Variants in PXDNL observed in about 807,000 individuals in gnomAD.
PXDNL encodes peroxidasin like, also known as probable oxidoreductase PXDNL.
Under a neutral mutation model 150.8 loss-of-function variants are expected in PXDNL, and 145 were observed. The ratio of observed to expected loss-of-function variants is 0.96; its 90% CI spans 0.84 to 1.10. The LOEUF (loss-of-function observed/expected upper bound fraction) is 1.10. Among genes scored for constraint, PXDNL ranks in the 50% least tolerant of loss-of-function variants. The pLI is 0.00. For synonymous variants in PXDNL, 757 were observed against 725.7 expected, an observed-to-expected ratio of 1.04 and a Z score of -0.69; for missense variants, 2,087 against 1,873.9, an observed-to-expected ratio of 1.11 and a Z score of -2.10.
intron 10 of PXDNL, 28 bp downstream of exon 10, chr8:51,453,491 T>C (rs746202724): frequency 2.5e-6 from 4 of 1,606,038 alleles, no homozygotes; most frequent in Non-Finnish European, 3.4e-6. Flanking sequence ...AGGAGGAACA[T>C]TTCAATCATG....
intron 12 of PXDNL, among the ~76,000 whole-genome samples, chr8:51,442,872 T>TAA (rs34828388): frequency 3.3e-5 from 5 of 151,858 alleles, no homozygotes; most frequent in Admixed American, 6.6e-5. Flanking sequence ...TGCTTGTTTT[T>TAA]AAAAAATACC....
At chr8:51,358,126 A>G (rs1806576730) in intron 19 of PXDNL, among the ~76,000 whole-genome samples, 1 of 151,928 alleles carries the variant, frequency 6.6e-6, no homozygotes, top group Non-Finnish European at 1.5e-5. Flanking sequence ...AAAATGACCA[A>G]ATAGAAACCT....
At chr8:51,468,251 G>T (rs1325755575) in intron 8 of PXDNL, among the ~76,000 whole-genome samples, 1 of 151,810 alleles carries the variant, frequency 6.6e-6, no homozygotes, top group South Asian at 2.1e-4. Flanking sequence ...GCTATAATTG[G>T]ATTTCCGTAA....
intron 1 of PXDNL, among the ~76,000 whole-genome samples, chr8:51,788,339 G>A (rs1160813587): frequency 1.3e-5 from 2 of 152,184 alleles, no homozygotes; most frequent in African/African-American, 2.4e-5. Flanking sequence ...GGCTGAGAAC[G>A]GGGCAAGGAT....
intron 2 of PXDNL, among the ~76,000 whole-genome samples, chr8:51,644,365 T>C (rs374091582): frequency 0.022 from 1,601 of 71,390 alleles, 232 homozygotes; most frequent in South Asian, 0.045. Flanking sequence ...CACACACACA[T>C]ATGTATATAT....
chr8:51,781,119 A>G (rs916171879), intron 1 of PXDNL, among the ~76,000 whole-genome samples: 1 of 152,216 alleles, frequency 6.6e-6, no homozygotes, highest in Admixed American at 6.5e-5. Context: ...GGGTGTCACA[A>G]AAACTTAGGG....
chr8:51,331,641 G>C (rs912433630), intron 21 of PXDNL, among the ~76,000 whole-genome samples: 6 of 152,134 alleles, frequency 3.9e-5, no homozygotes, highest in African/African-American at 1.4e-4. Flanking sequence ...GGCTGTTGCA[G>C]GTGTCACGGT....
rs145441015 is a variant in PXDNL, at chr8:51,343,536, T to G, written c.4016+2297A>C. Among the ~76,000 whole-genome samples, 202 of 152,354 alleles carry G rather than the reference T, an allele frequency of 1.3e-3. 3 individuals are homozygous for G. The highest frequency in any genetic ancestry group is 4.5e-3 in the African/African-American group (187 of 41,584). ...GCCAATCTTTAGCTGAGGCAACATC[T>G]GAGCTGGGCTTCAATGGGCCACCCA... On this transcript the variant is annotated intron_variant, in intron 20 of 22. Coordinates refer to ENST00000356297, the MANE Select transcript of PXDNL (RefSeq NM_144651.5).
rs150726903 is a variant in PXDNL, at chr8:51,556,676, A to G, written c.380+164T>C. On this transcript the variant is annotated intron_variant, in intron 4 of 22. Transcript: ENST00000356297. ...GTCTTCCTATCCTTATGCCAACTCA[A>G]TCATACATTCTGATTTTTATCCAAC... Among the ~76,000 whole-genome samples the G allele has an allele frequency of 9.7e-4, 147 of 152,296 alleles. 1 individual carries two copies. Among genetic ancestry groups the G allele is most frequent in the Non-Finnish European group, 1.5e-3 (100 of 68,024 alleles).
chr8:51,746,790 C>T (rs546395644), intron 1 of PXDNL, among the ~76,000 whole-genome samples: 94 of 152,292 alleles, frequency 6.2e-4, no homozygotes, highest in African/African-American at 1.9e-3. Flanking sequence ...GGTGTGATCA[C>T]GGTTCACTGC....
Position 51,644,318 on chromosome 8 carries a change from T to TTATATATATATATATATATATATATA in PXDNL, c.236+10370_236+10371insTATATATATATATATATATATATATA, listed in dbSNP as rs1406776100. 1.4e-3 allele frequency among the ~76,000 whole-genome samples: 89 copies of TTATATATATATATATATATATATATA among 63,274 alleles called. 29 individuals are homozygous for TTATATATATATATATATATATATATA. Among genetic ancestry groups the TTATATATATATATATATATATATATA allele is most frequent in the Non-Finnish European group, 2.0e-3 (49 of 23,988 alleles). The allele number at this position is 63,274 out of a possible 152,430, so 41.5% of individuals were successfully genotyped here. A position where few individuals can be genotyped will look rare whatever the true frequency, so the allele number is the denominator to read the frequency against. On this transcript the variant is annotated intron_variant, in intron 2 of 22. Coordinates refer to ENST00000356297, the MANE Select transcript of PXDNL (RefSeq NM_144651.5). ...TAAACCCTGTAGCAAAGGCACATTT[T>TTATATATATATATATATATATATATA]TACATATATATATATATATACACAC...
intron 19 of PXDNL, among the ~76,000 whole-genome samples, chr8:51,348,379 C>A (rs970036955): frequency 6.6e-6 from 1 of 152,128 alleles, no homozygotes; most frequent in African/African-American, 2.4e-5. Context: ...GATGAGTACA[C>A]CTGAACAGAA....
intron 1 of PXDNL, among the ~76,000 whole-genome samples, chr8:51,806,342 A>G (rs1225189901): frequency 1.3e-5 from 2 of 152,204 alleles, no homozygotes; most frequent in Non-Finnish European, 2.9e-5. Flanking sequence ...CATCATTTCC[A>G]TGTTATAATG....
At position 51,544,932 on chromosome 8, in the gene PXDNL, TAA is replaced by T. The variant is rs530440448; in HGVS notation, c.380+11906_380+11907del. Among the ~76,000 whole-genome samples the T allele has an allele frequency of 2.9e-3, 443 of 152,250 alleles. 3 individuals carry two copies. Among genetic ancestry groups the T allele is most frequent in the African/African-American group, 0.01 (424 of 41,552 alleles). On this transcript the variant is annotated intron_variant, in intron 4 of 22. Coordinates refer to ENST00000356297, the MANE Select transcript of PXDNL (RefSeq NM_144651.5). ...ATAAAAACAAACATCTCCGGCACCT[TAA>T]GATCTATCATTGTTTTGCCAAGATA...
At chr8:51,526,147 C>T (rs10958273) in intron 4 of PXDNL, among the ~76,000 whole-genome samples, 2 of 152,020 alleles carry the variant, frequency 1.3e-5, no homozygotes, top group Non-Finnish European at 2.9e-5. Context: ...TCACAGGAGT[C>T]CTGGATCATC....
chr8:51,639,457 A>G (rs1814690367), intron 2 of PXDNL, among the ~76,000 whole-genome samples: 1 of 152,134 alleles, frequency 6.6e-6, no homozygotes, highest in African/African-American at 2.4e-5. Context: ...GACCACTAGC[A>G]AGACTAATAA....
chr8:51,324,113 C>T (rs1046163264), intron 21 of PXDNL, among the ~76,000 whole-genome samples: 3 of 152,074 alleles, frequency 2.0e-5, no homozygotes, highest in Non-Finnish European at 2.9e-5. Flanking sequence ...TTAATTTTTT[C>T]TACGTTTATC....
chr8:51,460,158 A>G (rs1025474831), intron 8 of PXDNL, among the ~76,000 whole-genome samples: 1 of 151,148 alleles, frequency 6.6e-6, no homozygotes, highest in Admixed American at 6.6e-5. Context: ...CTGAGGTAGG[A>G]GGATTGCTTG....
At chr8:51,602,153 G>A (rs932658985) in intron 2 of PXDNL, among the ~76,000 whole-genome samples, 12 of 151,328 alleles carry the variant, frequency 7.9e-5, no homozygotes, top group East Asian at 5.8e-4. Flanking sequence ...GTGACTATAC[G>A]CCTTGGTGAT....
Sources: allele counts gnomAD v4.1 joint callset (sites outside exome capture counted in the v4.1 genomes callset), GRCh38; gene constraint gnomAD v4.1.1; transcripts MANE v1.5; gene names NCBI Gene and HGNC (gene_info 2026-07-23, HGNC 2026-07-21).